Variants in DCHS2 observed in about 807,000 individuals in gnomAD.
DCHS2 encodes protocadherin-23.
In DCHS2, 142 loss-of-function variants were observed where a neutral mutation model predicts 182.4. The observed-to-expected ratio is 0.78, with a 90% confidence interval of 0.68 to 0.89. DCHS2 has a LOEUF of 0.89. Ranked by LOEUF, DCHS2 falls within the 40% of genes least tolerant of loss-of-function variation. The pLI is 0.00. For missense variants in DCHS2, 4,319 were observed against 4,198.6 expected (o/e 1.03, Z -0.79); for synonymous variants, 1,740 against 1,663.3 (o/e 1.05, Z -1.12).
In DCHS2 at chr4:154,491,304, G is replaced by A. The variant is rs1432489673; in HGVS notation, c.52C>T (p.Pro18Ser). ...GGGAGCAGAAGGAGCTTCCCGACCGGAGCCCGCCGCTGCTGACGCCCTTCG... is the reference window on the plus strand; with the variant it reads ...GGGAGCAGAAGGAGCTTCCCGACCGAAGCCCGCCGCTGCTGACGCCCTTCG... The part of the protein sequence containing the change: ...MGEGRQQRRA[P>S]VGKLLLLPGR... Residue 18 changes from proline to serine, a missense_variant, in exon 1 of 20, where the codon CCG (proline) becomes TCG (serine). By Grantham distance (74) the Pro-to-Ser change is moderately conservative. Transcript: ENST00000357232. The A allele has an allele frequency of 1.9e-6, 3 of 1,547,904 alleles. No individual in the cohort carries two copies. The highest frequency in any genetic ancestry group is 2.0e-5 in the Admixed American group (1 of 50,850).
At chr4:154,398,296 ACAAACT>A (rs1732017589) in intron 1 of DCHS2, among the ~76,000 whole-genome samples, 1 of 152,260 alleles carries the variant, frequency 6.6e-6, no homozygotes, top group African/African-American at 2.4e-5. Flanking sequence ...TTCACCATGT[ACAAACT>A]TTATCAAAGT....
chr4:154,440,522 A>T (rs1422306003), intron 1 of DCHS2, among the ~76,000 whole-genome samples: 2 of 152,132 alleles, frequency 1.3e-5, no homozygotes, highest in African/African-American at 4.8e-5. Flanking sequence ...ACAGACTATA[A>T]TATACATGTA....
rs576849940 is a variant in DCHS2, at chr4:154,356,175, G to A, written c.2476+10035C>T. Reference sequence around the variant, plus strand: ...ATGCTCTTGACCCTGTGTAGGCCTAGGCTAATGTGTGCGTTTGTGTCTCAT... The same window carrying A: ...ATGCTCTTGACCCTGTGTAGGCCTAAGCTAATGTGTGCGTTTGTGTCTCAT... On this transcript the variant is annotated intron_variant, in intron 3 of 19. Coordinates refer to ENST00000357232, the MANE Select transcript of DCHS2 (RefSeq NM_001358235.2). Among the ~76,000 whole-genome samples, 22 of 152,016 alleles carry A rather than the reference G, an allele frequency of 1.4e-4. No individual in the cohort carries two copies. In the South Asian group the frequency reaches 1.9e-3, roughly 13 times the overall value.
chr4:154,431,286 A>G (rs1186629079), intron 1 of DCHS2, among the ~76,000 whole-genome samples: 1 of 152,176 alleles, frequency 6.6e-6, no homozygotes, highest in African/African-American at 2.4e-5. Context: ...TGTTTACTGA[A>G]ACAAGGCAGT....
chr4:154,302,874 C>G (rs1028382531), intron 12 of DCHS2, among the ~76,000 whole-genome samples: 11 of 141,032 alleles, frequency 7.8e-5, no homozygotes, highest in Admixed American at 7.2e-4. Flanking sequence ...TGTATATATA[C>G]ACACATATGA....
chr4:154,399,895 G>C (rs879917391), intron 1 of DCHS2, among the ~76,000 whole-genome samples: 15 of 152,172 alleles, frequency 9.9e-5, no homozygotes, highest in Non-Finnish European at 1.9e-4. Context: ...TGCTGTGAAT[G>C]AGCTGTGAGA....
At chr4:154,469,615 T>C (rs900415368) in intron 1 of DCHS2, among the ~76,000 whole-genome samples, 3 of 152,214 alleles carry the variant, frequency 2.0e-5, no homozygotes, top group Admixed American at 6.5e-5. Flanking sequence ...TCACAGTCTG[T>C]GACACCCTAC....
intron 2 of DCHS2, among the ~76,000 whole-genome samples, chr4:154,373,369 G>A (rs1451766402): frequency 6.6e-6 from 1 of 152,122 alleles, no homozygotes; most frequent in Non-Finnish European, 1.5e-5. Flanking sequence ...AATTCATGAG[G>A]ATTATGCAGT....
intron 3 of DCHS2, among the ~76,000 whole-genome samples, chr4:154,357,785 A>G (rs150931014): frequency 6.6e-6 from 1 of 152,140 alleles, no homozygotes; most frequent in Non-Finnish European, 1.5e-5. Flanking sequence ...AAACAACTCT[A>G]TACTAGCTCT....
intron 1 of DCHS2, among the ~76,000 whole-genome samples, chr4:154,420,834 C>T (rs1384370198): frequency 2.0e-5 from 3 of 152,156 alleles, no homozygotes; most frequent in Non-Finnish European, 2.9e-5. Flanking sequence ...CTAAAATTAA[C>T]CATCACACCC....
chr4:154,365,629 C>A (rs1246817131), intron 3 of DCHS2, among the ~76,000 whole-genome samples: 1 of 151,576 alleles, frequency 6.6e-6, no homozygotes, highest in African/African-American at 2.4e-5. Flanking sequence ...CAGGAGTCAG[C>A]CACAGAGCCC....
intron 13 of DCHS2, among the ~76,000 whole-genome samples, chr4:154,294,164 T>C (rs1734810851): frequency 6.6e-6 from 1 of 152,204 alleles, no homozygotes; most frequent in Non-Finnish European, 1.5e-5. Flanking sequence ...GATGGTGAAA[T>C]GCTTTAGAGA....
At chr4:154,331,851 C>G in intron 5 of DCHS2, 1 of 854,014 alleles carries the variant, frequency 1.2e-6, no homozygotes, top group Non-Finnish European at 1.6e-6. Flanking sequence ...TAAATAAACT[C>G]CCCGTAAACT....
rs1484737213 is a variant in DCHS2, at chr4:154,330,637, TA to T, written c.3731-928del. On this transcript the variant is annotated intron_variant, in intron 5 of 19. Coordinates refer to ENST00000357232, the MANE Select transcript of DCHS2 (RefSeq NM_001358235.2). The stretch of plus-strand genomic sequence containing the variant: ...AGCTACCGACAAACATTTCTGTGGC[TA>T]AAAACTTTTTTCCTCTTAATACAAA... Among the ~76,000 whole-genome samples, 3 of 152,132 alleles carry T rather than the reference TA, an allele frequency of 2.0e-5. No individual in the cohort carries two copies. The East Asian group carries it at 5.8e-4, about 29-fold the overall frequency.
intron 7 of DCHS2, chr4:154,323,157 T>C: frequency 2.0e-6 from 3 of 1,511,760 alleles, no homozygotes; most frequent in Non-Finnish European, 2.7e-6. Flanking sequence ...TGCTGTTGCA[T>C]CTCCAACGTG....
chr4:154,422,029 A>G (rs1358493220), intron 1 of DCHS2, among the ~76,000 whole-genome samples: 1 of 152,164 alleles, frequency 6.6e-6, no homozygotes, highest in Non-Finnish European at 1.5e-5. Flanking sequence ...TCATGTTGGA[A>G]AGTTTCTTCG....
At chr4:154,309,508 T>C (rs1735589685) in intron 10 of DCHS2, among the ~76,000 whole-genome samples, 1 of 152,138 alleles carries the variant, frequency 6.6e-6, no homozygotes, top group Non-Finnish European at 1.5e-5. Flanking sequence ...GTATTAGGGG[T>C]GGTAGCTGCC....
chr4:154,445,551 T>G (rs746304349), intron 1 of DCHS2, among the ~76,000 whole-genome samples: 120 of 152,286 alleles, frequency 7.9e-4, no homozygotes, highest in Non-Finnish European at 1.3e-3. Context: ...TGGTTCACAC[T>G]TGATCCCAGT....
intron 1 of DCHS2, among the ~76,000 whole-genome samples, chr4:154,381,906 T>G (rs1731186297): frequency 6.6e-6 from 1 of 152,118 alleles, no homozygotes; most frequent in African/African-American, 2.4e-5. Context: ...ACTACCAATG[T>G]AATTTTACAC....
Sources: allele counts gnomAD v4.1 joint callset (sites outside exome capture counted in the v4.1 genomes callset), GRCh38; gene constraint gnomAD v4.1.1; transcripts MANE v1.5; gene names NCBI Gene and HGNC (gene_info 2026-07-23, HGNC 2026-07-21).